Variants in MYH15 observed in about 807,000 individuals in gnomAD.
MYH15 encodes the protein myosin heavy chain 15.
In MYH15, 227 loss-of-function variants were observed where a neutral mutation model predicts 240.5. That is an observed-to-expected ratio of 0.94 (90% CI 0.85 to 1.05). The LOEUF (loss-of-function observed/expected upper bound fraction) is 1.05. Among genes scored for constraint, MYH15 ranks in the 50% least tolerant of loss-of-function variants. The pLI, the probability that MYH15 is intolerant of heterozygous loss-of-function variation, is 0.00. For synonymous variants in MYH15, 785 were observed against 796.7 expected (o/e 0.99, Z 0.25); for missense variants, 2,217 against 2,247.5 (o/e 0.99, Z 0.27).
chr3:108,529,294 A>T, exon 1 of MYH15: 1 of 1,582,306 alleles, frequency 6.3e-7, no homozygotes, highest in Non-Finnish European at 8.7e-7. Flanking sequence ...AGGTAAATAC[A>T]ATTAAAATGA....
intron 40 of MYH15, 65 bp downstream of exon 40, chr3:108,383,530 G>A (rs2082358635): frequency 1.3e-6 from 2 of 1,529,292 alleles, no homozygotes; most frequent in African/African-American, 2.8e-5. Context: ...ACTGGTCCAT[G>A]CAATGACATC....
In MYH15 at chr3:108,399,128, G is replaced by A. The variant is rs761699091; in HGVS notation, c.4876C>T (p.Arg1626Trp). 31 of 1,614,022 alleles carry A rather than the reference G, an allele frequency of 1.9e-5. No individual in the cohort carries two copies. The highest frequency in any genetic ancestry group is 9.9e-5 in the South Asian group (9 of 91,082). The change falls in exon 34 of 41, where the codon CGG becomes TGG. Residue 1626 changes from arginine (R) to tryptophan (W), a missense_variant. Arg to Trp is a moderately radical substitution (Grantham distance 101, BLOSUM62 -3). Transcript: ENST00000693548. ...GATTTGGTTGCTTCTGACACCTGCC[G>A]GTTGGCACAGCTAAGCTGGAGTTCC... The part of the protein sequence containing the change: ...EMELQLSCAN[R>W]QVSEATKSLG...
In MYH15 at chr3:108,428,833, G is replaced by A. The variant is rs61744539; in HGVS notation, c.3361C>T (p.Arg1121Ter). The A allele has an allele frequency of 4.8e-3, 7,810 of 1,613,226 alleles. 36 individuals are homozygous for A. Among genetic ancestry groups the A allele is most frequent in the Non-Finnish European group, 6.1e-3 (7,138 of 1,179,796 alleles). ...KEKLEAERTT[R>*]AKMERERADL... ...GCTCTCTCCCTTTCCATCTTGGCTC[G>A]AGTGGTCCTTTCAGCTTCTAGTTTC... Residue 1121 changes from arginine to a stop codon, truncating the protein, a stop_gained, in exon 27 of 41, where the codon CGA becomes TGA. Transcript: ENST00000693548. LOFTEE classifies it high-confidence loss of function.
intron 16 of MYH15, among the ~76,000 whole-genome samples, chr3:108,461,400 G>A (rs902320875): frequency 4.6e-5 from 7 of 152,124 alleles, no homozygotes; most frequent in African/African-American, 1.4e-4. Flanking sequence ...CCAGGAGAAA[G>A]TATGGTTATC....
Position 108,438,899 on chromosome 3 carries a change from G to A in MYH15, c.3075+838C>T, listed in dbSNP as rs139316193. ...GTGGGTGTGGGTAGGTGTGTGTGAT[G>A]TGCATATATAAGCACACATATAAAC... On this transcript the variant is annotated intron_variant, in intron 24 of 40. Coordinates refer to ENST00000693548, the MANE Select transcript of MYH15 (RefSeq NM_014981.3). 1.8e-4 allele frequency among the ~76,000 whole-genome samples: 27 copies of A among 152,236 alleles called. 1 individual carries two copies. The highest frequency in any genetic ancestry group is 6.5e-4 in the African/African-American group (27 of 41,546).
intron 1 of MYH15, among the ~76,000 whole-genome samples, chr3:108,528,246 T>C (rs985111991): frequency 1.3e-5 from 2 of 152,180 alleles, no homozygotes; most frequent in Non-Finnish European, 2.9e-5. Context: ...CAGAACAGGT[T>C]ATTTAATAAA....
intron 8 of MYH15, 99 bp downstream of exon 8, chr3:108,493,015 A>C: frequency 1.2e-6 from 1 of 859,792 alleles, no homozygotes; most frequent in South Asian, 1.6e-5. Context: ...GAAAGAAAGA[A>C]AGAAGAAAAG....
At chr3:108,549,752 A>T in the MYH15 span, 62 of 152,168 alleles carry the variant, frequency 4.1e-4, no homozygotes, top group African/African-American at 1.5e-3. Context: ...AGAAAATTGT[A>T]TAGGGTAGCA....
At chr3:108,396,764 T>C (rs558783234) in intron 35 of MYH15, among the ~76,000 whole-genome samples, 1 of 152,348 alleles carries the variant, frequency 6.6e-6, no homozygotes, top group Admixed American at 6.5e-5. Context: ...CTATACCACA[T>C]GGTACCCAGA....
chr3:108,465,645 A>G (rs977001189), intron 14 of MYH15, among the ~76,000 whole-genome samples: 1 of 152,178 alleles, frequency 6.6e-6, no homozygotes, highest in Non-Finnish European at 1.5e-5. Context: ...GAGTTTTAAA[A>G]AACAAACAGA....
chr3:108,482,187 G>A (rs1458791014), intron 11 of MYH15, among the ~76,000 whole-genome samples: 1 of 152,152 alleles, frequency 6.6e-6, no homozygotes, highest in Non-Finnish European at 1.5e-5. Flanking sequence ...GGGCAATTGG[G>A]AGAACCTAGG....
rs1393961108 is a variant in MYH15 at position 108,485,186 on chromosome 3, C to T, written c.1019G>A (p.Gly340Glu). 1.9e-6 allele frequency: 3 copies of T among 1,613,966 alleles called. No individual in the cohort carries two copies. The highest frequency in any genetic ancestry group is 3.3e-5 in the Admixed American group (2 of 60,002). The change falls in exon 11 of 41, where the codon GGA becomes GAA. Residue 340 changes from glycine to glutamate, a missense_variant. Physicochemically the swap from Gly to Glu is moderately conservative, Grantham distance 98 (BLOSUM62 -2). Coordinates refer to ENST00000693548, the MANE Select transcript of MYH15 (RefSeq NM_014981.3). ...GATGGCTCCAGTGAGTTTATAGCAT[C>T]CATACTTCTCATCAGGAAGAAAGCC... ...ILGFLPDEKYGCYKLTGAIMH... is the reference protein window; with the variant it reads ...ILGFLPDEKYECYKLTGAIMH...
At chr3:108,499,821 T>C (rs534721452) in intron 4 of MYH15, among the ~76,000 whole-genome samples, 10 of 152,340 alleles carry the variant, frequency 6.6e-5, no homozygotes, top group Non-Finnish European at 1.5e-4. Flanking sequence ...CCAGACAATA[T>C]AGAAGATGCT....
chr3:108,519,757 CACTT>C, intron 1 of MYH15, among the ~76,000 whole-genome samples: 1 of 152,260 alleles, frequency 6.6e-6, no homozygotes, highest in Middle Eastern at 3.4e-3. Context: ...AATAGAGTAA[CACTT>C]ACTTTAGAAT....
intron 25 of MYH15, among the ~76,000 whole-genome samples, chr3:108,433,819 T>C (rs185003243): frequency 7.5e-4 from 114 of 152,266 alleles, no homozygotes; most frequent in African/African-American, 2.7e-3. Context: ...CCTGTATAAA[T>C]TACCCAATCT....
chr3:108,463,924 A>G (rs2083092276), intron 15 of MYH15, among the ~76,000 whole-genome samples: 1 of 152,098 alleles, frequency 6.6e-6, no homozygotes, highest in African/African-American at 2.4e-5. Context: ...AAGAATGGTG[A>G]AATAATCCAA....
intron 36 of MYH15, 101 bp downstream of exon 36, chr3:108,393,930 A>G: frequency 1.3e-6 from 2 of 1,536,836 alleles, no homozygotes; most frequent in Non-Finnish European, 1.8e-6. Context: ...TGTATGGGAA[A>G]TCAATGGAAT....
At chr3:108,469,256 A>G (rs1466588149) in intron 14 of MYH15, among the ~76,000 whole-genome samples, 1 of 152,162 alleles carries the variant, frequency 6.6e-6, no homozygotes, top group African/African-American at 2.4e-5. Context: ...CAGCATAGCT[A>G]GAGTATTCAG....
intron 32 of MYH15, among the ~76,000 whole-genome samples, chr3:108,406,957 G>A (rs981339088): frequency 6.6e-6 from 1 of 152,134 alleles, no homozygotes; most frequent in South Asian, 2.1e-4. Context: ...ACTTCTTTCA[G>A]TTAAGGTGGT....
Sources: allele counts gnomAD v4.1 joint callset (sites outside exome capture counted in the v4.1 genomes callset), GRCh38; gene constraint gnomAD v4.1.1; transcripts MANE v1.5; gene names NCBI Gene and HGNC (gene_info 2026-07-23, HGNC 2026-07-21).